ACIN1: variants seen among roughly 807,000 people sequenced by gnomAD.
The protein encoded by ACIN1 is apoptotic chromatin condensation inducer in the nucleus.
Under a neutral mutation model 146.6 loss-of-function variants are expected in ACIN1, and 16 were observed. The ratio of observed to expected loss-of-function variants is 0.11; its 90% CI spans 0.07 to 0.17. The LOEUF (loss-of-function observed/expected upper bound fraction) is 0.17. ACIN1 is among the 10% of genes least tolerant of loss of function. The pLI is 1.00. For synonymous variants in ACIN1, 569 were observed against 582.7 expected (o/e 0.98, Z 0.34); for missense variants, 1,357 against 1,609.3 (o/e 0.84, Z 2.68).
intron 4 of ACIN1, among the ~76,000 whole-genome samples, chr14:23,083,950 A>AT (rs879327435): frequency 1.3e-3 from 185 of 144,090 alleles, no homozygotes; most frequent in Middle Eastern, 3.5e-3. Flanking sequence ...CTTCTCTCTT[A>AT]TTTTTTTTTT....
At chr14:23,071,626 A>G (rs2047658253) in intron 8 of ACIN1, 8 of 1,456,518 alleles carry the variant, frequency 5.5e-6, no homozygotes, top group Non-Finnish European at 6.4e-6. Context: ...AGGGGAAAGA[A>G]AAGAGGGAGG....
chr14:23,095,224 T>A, upstream of ACIN1: 1 of 1,613,410 alleles, frequency 6.2e-7, no homozygotes, highest in Non-Finnish European at 8.5e-7. Flanking sequence ...ACTCTACCCC[T>A]CGATTACCAC....
chr14:23,061,545 C>T lies in ACIN1; in HGVS notation c.3177G>A (p.Leu1059=), dbSNP rs2139995761. The change falls in exon 17 of 19, where the codon CTG becomes CTA. Residue 1059 remains leucine (L), a synonymous_variant. Transcript: ENST00000605057. ...KTEEQGIPRP[L]HPPPPPPVQP... ...GGACCGGGGGTGGGGGTGGGGGGTGCAGGGGCCGTGGTATTCCCTGCTCCT... is the reference window on the plus strand; with the variant it reads ...GGACCGGGGGTGGGGGTGGGGGGTGTAGGGGCCGTGGTATTCCCTGCTCCT... 1.9e-6 allele frequency: 3 copies of T among 1,584,450 alleles called. No homozygotes were observed. The highest frequency in any genetic ancestry group is 1.1e-5 in the South Asian group (1 of 88,018).
rs1278510084 is a variant in ACIN1, at chr14:23,066,161, G to A, written c.2266-153C>T. ...AGAGAGAGACACAGAGACAGACAGAGACCAAAACAGAAGCGGCAAACGGCA... is the reference window on the plus strand; with the variant it reads ...AGAGAGAGACACAGAGACAGACAGAAACCAAAACAGAAGCGGCAAACGGCA... On this transcript the variant is annotated intron_variant, in intron 9 of 18. Transcript: ENST00000605057. 3.7e-5 allele frequency: 22 copies of A among 594,214 alleles called. No individual in the cohort carries two copies. The East Asian group carries it at 6.4e-4, about 17-fold the overall frequency. The allele number at this position is 594,214 out of a possible 1,614,324, so 36.8% of individuals were successfully genotyped here.
At chr14:23,059,586 A>T in intron 18 of ACIN1, 112 bp from the exon 19 acceptor site, 1 of 786,340 alleles carries the variant, frequency 1.3e-6, no homozygotes, top group Non-Finnish European at 2.2e-6. Context: ...TTAAACAGGA[A>T]GGGGTTGGGG....
At chr14:23,095,314 C>G, upstream of ACIN1, 1 of 1,566,310 alleles carries the variant, frequency 6.4e-7, no homozygotes, top group Non-Finnish European at 8.7e-7. Context: ...TTCCATCCGC[C>G]CTGCAGCGCC....
chr14:23,082,264 T>C (rs1487335839), intron 4 of ACIN1, among the ~76,000 whole-genome samples: 1 of 152,106 alleles, frequency 6.6e-6, no homozygotes, highest in Non-Finnish European at 1.5e-5. Context: ...CTTTCTAATT[T>C]CAACCAAAAT....
rs1438247577 is a variant in ACIN1, at chr14:23,069,260, C to T, written c.2265+216G>A. The T allele has an allele frequency of 2.4e-6, 3 of 1,245,272 alleles. No homozygotes were observed. The East Asian group carries it at 9.6e-5, about 40-fold the overall frequency. The allele number at this position is 1,245,272 out of a possible 1,614,324, so 77.1% of individuals were successfully genotyped here. A position where few individuals can be genotyped will look rare whatever the true frequency, so the allele number is the denominator to read the frequency against. ...GTCTAGAGTCTGGGCACTACTTCCCCAACAAGGAAAGGAAAATGAATGAGC... is the reference window on the plus strand; with the variant it reads ...GTCTAGAGTCTGGGCACTACTTCCCTAACAAGGAAAGGAAAATGAATGAGC... On this transcript the variant is annotated intron_variant, in intron 9 of 18. Coordinates refer to ENST00000605057, the MANE Select transcript of ACIN1 (RefSeq NM_001386863.1).
intron 9 of ACIN1, 192 bp from the exon 10 acceptor site, chr14:23,066,200 A>G: frequency 1.8e-6 from 1 of 547,366 alleles, no homozygotes; most frequent in Non-Finnish European, 3.2e-6. Context: ...ACGAAGCAGA[A>G]TCAATGCAAG....
At chr14:23,071,037 ACG>A in intron 8 of ACIN1, 1 of 1,412,024 alleles carries the variant, frequency 7.1e-7, no homozygotes, top group South Asian at 1.3e-5. Flanking sequence ...AAAACGAAAG[ACG>A]GAATGAAAGC....
intron 4 of ACIN1, among the ~76,000 whole-genome samples, chr14:23,086,778 C>A (rs1211266688): frequency 6.6e-6 from 1 of 152,156 alleles, no homozygotes; most frequent in Non-Finnish European, 1.5e-5. Context: ...CCTGGACAAA[C>A]CAATTCTTCC....
chr14:23,066,906 AAAAGGG>A (rs1162271848), intron 9 of ACIN1, among the ~76,000 whole-genome samples: 2 of 152,148 alleles, frequency 1.3e-5, no homozygotes, highest in Non-Finnish European at 2.9e-5. Flanking sequence ...GTGAGAGAGA[AAAAGGG>A]AATAGAGTAT....
At chr14:23,086,031 C>A (rs1302923492) in intron 4 of ACIN1, among the ~76,000 whole-genome samples, 1 of 152,282 alleles carries the variant, frequency 6.6e-6, no homozygotes, top group Non-Finnish European at 1.5e-5. Context: ...AAAACAAATT[C>A]CTGGGTAGGA....
rs1566730627 is a variant in ACIN1, at chr14:23,061,290, G to A, written c.3424+8C>T. ...GTGGGTATGCGTACCCCATAGCTAA[G>A]TACCTACCTTTCTTCTCACTCTTCT... On this transcript the variant is annotated splice_region_variant and intron_variant, in intron 17 of 18. Transcript: ENST00000605057. 4 of 1,613,642 alleles carry A rather than the reference G, an allele frequency of 2.5e-6. No individual in the cohort carries two copies. The highest frequency in any genetic ancestry group is 3.3e-5 in the Admixed American group (2 of 59,986).
At position 23,061,014 on chromosome 14, in the gene ACIN1, T is replaced by C. The variant is rs922703109; in HGVS notation, c.3525+70A>G. 10 of 1,445,282 alleles carry C rather than the reference T, an allele frequency of 6.9e-6. No individual in the cohort carries two copies. In the African/African-American group the frequency reaches 9.8e-5, roughly 14 times the overall value. The allele number at this position is 1,445,282 out of a possible 1,614,324, so 89.5% of individuals were successfully genotyped here. Reference sequence around the variant, plus strand: ...GGGCCGACTCACTCTCGCAGTCACATGAATCTCCCCTCACCCTGACCTCAA... The same window carrying C: ...GGGCCGACTCACTCTCGCAGTCACACGAATCTCCCCTCACCCTGACCTCAA... On this transcript the variant is annotated intron_variant, in intron 18 of 18. Coordinates refer to ENST00000605057, the MANE Select transcript of ACIN1 (RefSeq NM_001386863.1).
intron 4 of ACIN1, among the ~76,000 whole-genome samples, chr14:23,084,872 T>C (rs57894938): frequency 3.0e-3 from 454 of 152,292 alleles, no homozygotes; most frequent in African/African-American, 0.011. Context: ...TGAAATGAAA[T>C]ACTCATTTCA....
chr14:23,094,078 G>T (rs2048300284), intron 1 of ACIN1, among the ~76,000 whole-genome samples: 1 of 148,632 alleles, frequency 6.7e-6, no homozygotes, highest in African/African-American at 2.4e-5. Flanking sequence ...CACAGACCCT[G>T]TAAACTGTGG....
At position 23,078,924 on chromosome 14, in the gene ACIN1, G is replaced by A. The variant is rs760437860; in HGVS notation, c.1903C>T (p.Pro635Ser). Residue 635 changes from proline (P) to serine (S), a missense_variant, in exon 7 of 19, where the codon CCA becomes TCA. Pro to Ser is a moderately conservative substitution (Grantham distance 74). This residue lies in a region of ACIN1 where 771 missense variants were observed against 746.6 expected (regional missense o/e 1.03). Transcript: ENST00000605057. ...GAGGAGGTGGAAGTCCTCTCCTTTG[G>A]CTCACAGACCTGCAGTTGTGGCACT... ...PPVPQLQVCEPKERTSTSSSS... is the reference protein window; with the variant it reads ...PPVPQLQVCESKERTSTSSSS... The A allele has an allele frequency of 1.2e-6, 2 of 1,614,118 alleles. No individual in the cohort carries two copies. Among genetic ancestry groups the A allele is most frequent in the South Asian group, 2.2e-5 (2 of 91,082 alleles).
In ACIN1 at chr14:23,081,761, G is replaced by T; in HGVS notation, c.512C>A (p.Ser171Tyr). Residue 171 changes from serine to tyrosine, a missense_variant, in exon 5 of 19, where the codon TCT (serine) becomes TAT (tyrosine). Ser to Tyr is a moderately radical substitution (Grantham distance 144). Coordinates refer to ENST00000605057, the MANE Select transcript of ACIN1 (RefSeq NM_001386863.1). ...TATCTGAGTTACCTGTCTGACCCTA[G>T]ATGATCGTCTTTCTCCTTTCCTTGG... is the stretch of plus-strand genomic sequence containing the variant. ...EKPRKGERRS[S>Y]RVRQARAAKL... The T allele has an allele frequency of 6.2e-7, 1 of 1,612,882 alleles. No individual in the cohort carries two copies.
Sources: allele counts gnomAD v4.1 joint callset (sites outside exome capture counted in the v4.1 genomes callset), GRCh38; gene constraint gnomAD v4.1.1; regional missense constraint gnomAD v4.1.1; transcripts MANE v1.5; gene names NCBI Gene and HGNC (gene_info 2026-07-23, HGNC 2026-07-21).